The following PREX1 variants were observed in gnomAD, a reference collection of about 807,000 sequenced individuals.
PREX1 encodes the protein phosphatidylinositol 3,4,5-trisphosphate-dependent Rac exchanger 1 protein.
Under a neutral mutation model 198.3 loss-of-function variants are expected in PREX1, and 41 were observed. That is an observed-to-expected ratio of 0.21 (90% CI 0.16 to 0.27). The LOEUF (loss-of-function observed/expected upper bound fraction) is 0.27, where lower values mean the gene tolerates loss of function less well. PREX1 is among the 10% of genes least tolerant of loss of function. PREX1 has a pLI of 1.00. For missense variants in PREX1, 1,620 were observed against 2,200.7 expected (o/e 0.74, Z 5.28); for synonymous variants, 843 against 887.2 (o/e 0.95, Z 0.89).
At chr20:48,655,174 G>A in intron 19 of PREX1, 116 bp downstream of exon 19, 3 of 1,081,930 alleles carry the variant, frequency 2.8e-6, no homozygotes, top group Non-Finnish European at 3.9e-6. Flanking sequence ...GAAAATAAGT[G>A]CTGATGGTAC....
At position 48,777,741 on chromosome 20, in the gene PREX1, C is replaced by A. The variant is rs561209793; in HGVS notation, c.220-29861G>T. Among the ~76,000 whole-genome samples, 6 of 152,148 alleles carry A rather than the reference C, an allele frequency of 3.9e-5. No homozygotes were observed. In the South Asian group the frequency reaches 1.2e-3, roughly 31 times the overall value. On this transcript the variant is annotated intron_variant, in intron 1 of 39. Transcript: ENST00000371941. ...ATCCACATCTGTAAAATGGGCATAA[C>A]GACAGCAGTACTCTGTAGTGACAAA...
Position 48,657,470 on chromosome 20 carries a change from G to A in PREX1, c.1975-282C>T, listed in dbSNP as rs144323585. Among the ~76,000 whole-genome samples, 827 of 152,312 alleles carry A rather than the reference G, an allele frequency of 5.4e-3. 4 individuals carry two copies. The highest frequency in any genetic ancestry group is 0.02 in the Middle Eastern group (6 of 294). The stretch of plus-strand genomic sequence containing the variant: ...GACCCTGTTGTGTGGGGACACGAGG[G>A]TCACACCGGGGTGGCCATCTTATGT... On this transcript the variant is annotated intron_variant, in intron 17 of 39. Transcript: ENST00000371941.
chr20:48,671,950 G>A (rs55975519), intron 14 of PREX1, among the ~76,000 whole-genome samples: 23,921 of 152,200 alleles, frequency 0.16, 2,220 homozygotes, highest in Middle Eastern at 0.3. Context: ...CATCCTCCCC[G>A]TCTCCACTTG....
intron 1 of PREX1, among the ~76,000 whole-genome samples, chr20:48,759,549 C>CAAAAAAAAAAAAAA (rs386393896): frequency 2.2e-4 from 16 of 73,974 alleles, no homozygotes; most frequent in Non-Finnish European, 3.0e-4. Flanking sequence ...GATTCCATCT[C>CAAAAAAAAAAAAAA]AAAAAAAAAA....
In PREX1 at chr20:48,691,003, G is replaced by C; in HGVS notation, c.1130C>G (p.Ala377Gly). 1 of 1,614,216 alleles carries C rather than the reference G, an allele frequency of 6.2e-7. No homozygotes were observed. The highest frequency in any genetic ancestry group is 1.3e-5 in the African/African-American group (1 of 75,046). Residue 377 changes from alanine (A) to glycine (G), a missense_variant, in exon 9 of 40, where the codon GCA becomes GGA. Physicochemically the swap from Ala to Gly is moderately conservative, Grantham distance 60. Coordinates refer to ENST00000371941, the MANE Select transcript of PREX1 (RefSeq NM_020820.4). This position sits in a 1 kb window ranked among gnomAD's most constrained non-coding sequence, Gnocchi z 5.0. ...NKWFVCMAKT[A>G]EEKQKWLDAI... ...ATCCAGCCACTTCTGCTTCTCCTCT[G>C]CCGTCTTGGCCATGCAGACAAACCA...
chr20:48,746,794 C>T (rs1013728039), intron 2 of PREX1, among the ~76,000 whole-genome samples: 2 of 151,808 alleles, frequency 1.3e-5, no homozygotes, highest in Non-Finnish European at 2.9e-5. Context: ...TGTAATAAGT[C>T]GCAGCTTAAA....
At position 48,765,574 on chromosome 20, in the gene PREX1, C is replaced by T. The variant is rs535827089; in HGVS notation, c.220-17694G>A. On this transcript the variant is annotated intron_variant, in intron 1 of 39. Coordinates refer to ENST00000371941, the MANE Select transcript of PREX1 (RefSeq NM_020820.4). ...GGGGTACAGGAGGAAGCGACTCCTA[C>T]ACCCCCATTTCACAGACAAGGAACA... Among the ~76,000 whole-genome samples, 23 of 152,362 alleles carry T rather than the reference C, an allele frequency of 1.5e-4. No individual in the cohort carries two copies. The East Asian group carries it at 4.4e-3, about 29-fold the overall frequency.
At chr20:48,773,266 CAAAAAAAA>C (rs55740822) in intron 1 of PREX1, among the ~76,000 whole-genome samples, 7 of 65,914 alleles carry the variant, frequency 1.1e-4, no homozygotes, top group African/African-American at 2.7e-4. Context: ...GACTTGGTCT[CAAAAAAAA>C]AAAAAAAAAA....
intron 1 of PREX1, among the ~76,000 whole-genome samples, chr20:48,823,067 T>G (rs1175003895): frequency 6.6e-6 from 1 of 152,212 alleles, no homozygotes; most frequent in Non-Finnish European, 1.5e-5. Context: ...GAAAAACTTT[T>G]GTCTCCTCCC....
intron 39 of PREX1, among the ~76,000 whole-genome samples, chr20:48,626,175 G>A (rs1232599654): frequency 6.6e-6 from 1 of 152,238 alleles, no homozygotes; most frequent in Non-Finnish European, 1.5e-5. Context: ...AGGTGCACGT[G>A]TGCGTTCAGC....
the PREX1 span, among the ~76,000 whole-genome samples, chr20:48,833,306 A>T: frequency 2.6e-5 from 4 of 152,192 alleles, no homozygotes; most frequent in Non-Finnish European, 4.4e-5. Flanking sequence ...AGATGGAAAG[A>T]ATCTGGATCT....
rs568259167 is a variant in PREX1, at chr20:48,664,254, G to T, written c.1738+2029C>A. 2.6e-5 allele frequency among the ~76,000 whole-genome samples: 4 copies of T among 152,046 alleles called. No individual in the cohort carries two copies. In the South Asian group the frequency reaches 8.3e-4, roughly 32 times the overall value. ...GCCGGGTGTGGTGGCGGGTGCCTGC[G>T]GTCCCAGCTACTCGGGAGGCTGAGG... On this transcript the variant is annotated intron_variant, in intron 15 of 39. Transcript: ENST00000371941.
At chr20:48,716,530 G>A (rs542680914) in intron 5 of PREX1, among the ~76,000 whole-genome samples, 1 of 152,228 alleles carries the variant, frequency 6.6e-6, no homozygotes, top group Non-Finnish European at 1.5e-5. Context: ...CCAAGGCCCA[G>A]GAGAGGACTG....
At chr20:48,681,191 C>CT (rs763072849) in intron 11 of PREX1, 44 bp downstream of exon 11, 41 of 1,543,730 alleles carry the variant, frequency 2.7e-5, no homozygotes, top group Non-Finnish European at 3.6e-5. Flanking sequence ...GGGGTCTGAC[C>CT]TGTTCCCACC....
intron 1 of PREX1, among the ~76,000 whole-genome samples, chr20:48,818,289 A>G (rs2090467413): frequency 1.3e-5 from 2 of 152,240 alleles, no homozygotes; most frequent in Non-Finnish European, 2.9e-5. Flanking sequence ...AAAACCACCG[A>G]ATCGTACAGT....
chr20:48,879,115 G>A, the PREX1 span, among the ~76,000 whole-genome samples: 9 of 152,272 alleles, frequency 5.9e-5, no homozygotes, highest in African/African-American at 2.2e-4. Context: ...CTTTGCTCAA[G>A]CCATTGTGAC....
intron 2 of PREX1, among the ~76,000 whole-genome samples, chr20:48,746,977 CA>C (rs2090110911): frequency 2.7e-5 from 4 of 148,084 alleles, no homozygotes; most frequent in African/African-American, 2.5e-5. Context: ...CACACACACA[CA>C]CACACACACA....
chr20:48,742,154 G>A (rs995303307), intron 3 of PREX1, among the ~76,000 whole-genome samples: 1 of 152,208 alleles, frequency 6.6e-6, no homozygotes, highest in African/African-American at 2.4e-5. Flanking sequence ...CGGGAGCCCT[G>A]CTGAGGTGCA....
chr20:48,855,619 C>T, the PREX1 span, among the ~76,000 whole-genome samples: 32 of 152,326 alleles, frequency 2.1e-4, no homozygotes, highest in South Asian at 4.1e-4. Flanking sequence ...AGTAAAGAGG[C>T]CAGGCTCAGT....
Sources: gnomAD v4.1 joint callset for allele counts (sites outside exome capture counted in the v4.1 genomes callset) on GRCh38, gnomAD v4.1.1 for gene constraint, Gnocchi (gnomAD v3.1) non-coding constraint, MANE v1.5 for transcripts, NCBI Gene and HGNC (gene_info 2026-07-23, HGNC 2026-07-21) for gene names.